MCTP2: variants seen among roughly 807,000 people sequenced by gnomAD.
The protein encoded by MCTP2 is multiple C2 and transmembrane domain-containing protein 2.
MCTP2 carries 132 observed loss-of-function variants against 111.6 expected under a neutral mutation model. The observed-to-expected ratio is 1.18, with a 90% CI of 1.03 to 1.37. MCTP2 has a LOEUF of 1.37. Among genes scored for constraint, MCTP2 ranks in the 40% most tolerant of loss-of-function variants. MCTP2 has a pLI of 0.00. For synonymous variants in MCTP2, 395 were observed against 387.7 expected (o/e 1.02, Z -0.22); for missense variants, 1,183 against 1,067.9 (o/e 1.11, Z -1.50).
intron 4 of MCTP2, among the ~76,000 whole-genome samples, chr15:94,330,803 T>C (rs1456231345): frequency 1.3e-5 from 2 of 152,256 alleles, no homozygotes; most frequent in African/African-American, 4.8e-5. Flanking sequence ...GGTACAATCT[T>C]GGCTCACTGC....
intron 20 of MCTP2, among the ~76,000 whole-genome samples, chr15:94,468,657 G>A (rs1406843272): frequency 1.3e-5 from 2 of 152,194 alleles, no homozygotes; most frequent in East Asian, 3.9e-4. Flanking sequence ...GTTTTTGAGA[G>A]GGAGTCTCAC....
At chr15:94,385,082 T>C (rs2080379802) in intron 13 of MCTP2, among the ~76,000 whole-genome samples, 1 of 152,244 alleles carries the variant, frequency 6.6e-6, no homozygotes, top group African/African-American at 2.4e-5. Flanking sequence ...ATTTGGAAGC[T>C]TTTTAAAAAT....
At chr15:94,361,084 GTTTTTTTTTTTTTTTTTTTT>G (rs67774490) in intron 10 of MCTP2, among the ~76,000 whole-genome samples, 1 of 8,400 alleles carries the variant, frequency 1.2e-4, no homozygotes, top group African/African-American at 3.1e-4. Context: ...AATATTTCAA[GTTTTTTTTTTTTTTTTTTTT>G]TTTTTTTTTT....
chr15:94,423,479 G>T (rs1037762917), intron 17 of MCTP2, among the ~76,000 whole-genome samples: 1 of 152,162 alleles, frequency 6.6e-6, no homozygotes, highest in Admixed American at 6.5e-5. Context: ...CAACAGAACA[G>T]TTAAGAGCAT....
intron 1 of MCTP2, among the ~76,000 whole-genome samples, chr15:94,297,536 G>A (rs955160472): frequency 2.6e-5 from 4 of 152,072 alleles, no homozygotes; most frequent in East Asian, 3.8e-4. Flanking sequence ...AATCCTAGTC[G>A]ATAGGGCCAT....
At chr15:94,474,596 C>G (rs147963012) in intron 21 of MCTP2, among the ~76,000 whole-genome samples, 14 of 152,068 alleles carry the variant, frequency 9.2e-5, no homozygotes, top group Admixed American at 7.9e-4. Flanking sequence ...TGGTGGCTCA[C>G]GCCTGTAATC....
At chr15:94,312,250 G>C (rs1439094380) in intron 2 of MCTP2, among the ~76,000 whole-genome samples, 1 of 152,182 alleles carries the variant, frequency 6.6e-6, no homozygotes, top group Non-Finnish European at 1.5e-5. Context: ...ATAGTGTATG[G>C]TATAAAACAC....
intron 2 of MCTP2, among the ~76,000 whole-genome samples, chr15:94,301,531 A>G (rs1443034815): frequency 6.6e-6 from 1 of 152,174 alleles, no homozygotes; most frequent in Non-Finnish European, 1.5e-5. Flanking sequence ...GGCTGGGGAG[A>G]CACCTTTGTC....
chr15:94,282,823 C>T (rs896837978), intron 1 of MCTP2, among the ~76,000 whole-genome samples: 12 of 152,186 alleles, frequency 7.9e-5, no homozygotes, highest in African/African-American at 2.9e-4. Flanking sequence ...CTCAGTTTAG[C>T]ACTCCTGGCC....
intron 21 of MCTP2, among the ~76,000 whole-genome samples, chr15:94,474,170 A>C (rs2074156842): frequency 6.6e-6 from 1 of 152,192 alleles, no homozygotes; most frequent in Non-Finnish European, 1.5e-5. Flanking sequence ...TAGGTTAAAA[A>C]AATCTAAGGT....
intron 1 of MCTP2, among the ~76,000 whole-genome samples, chr15:94,268,712 T>C (rs1231892222): frequency 6.6e-6 from 1 of 152,106 alleles, no homozygotes; most frequent in Non-Finnish European, 1.5e-5. Context: ...CATAAACTTC[T>C]TATGGACAGG....
chr15:94,361,920 A>T (rs1314251729), intron 10 of MCTP2, among the ~76,000 whole-genome samples: 12 of 152,106 alleles, frequency 7.9e-5, no homozygotes, highest in Admixed American at 7.9e-4. Context: ...TAGCTTGGTG[A>T]TGGTTAAAAC....
chr15:94,452,325 G>T (rs2084514182), intron 19 of MCTP2, among the ~76,000 whole-genome samples: 1 of 152,158 alleles, frequency 6.6e-6, no homozygotes, highest in Non-Finnish European at 1.5e-5. Context: ...TTTGCTATTA[G>T]GATGATTAAA....
In MCTP2 at chr15:94,278,653, G is replaced by C. The variant is rs534400425; in HGVS notation, c.-65-19548G>C. On this transcript the variant is annotated intron_variant, in intron 1 of 22. Transcript: ENST00000357742. ...CCATGAGTAAATTGCATGTCACTGG[G>C]GTTTGATGTACTAATGGTTTCAGGC... Among the ~76,000 whole-genome samples, 52 of 152,092 alleles carry C rather than the reference G, an allele frequency of 3.4e-4. 2 individuals are homozygous for C. Among genetic ancestry groups the C allele is most frequent in the African/African-American group, 1.2e-3 (51 of 41,526 alleles).
chr15:94,264,264 C>A (rs982870524), intron 1 of MCTP2, among the ~76,000 whole-genome samples: 1 of 152,014 alleles, frequency 6.6e-6, no homozygotes, highest in Admixed American at 6.6e-5. Context: ...GTTTTTGTGC[C>A]CTTGGGCAGG....
At chr15:94,257,909 A>G (rs532725678) in intron 1 of MCTP2, among the ~76,000 whole-genome samples, 26 of 148,302 alleles carry the variant, frequency 1.8e-4, no homozygotes, top group Non-Finnish European at 3.4e-4. Context: ...AGATGGAATC[A>G]TGCTCTGCCG....
At chr15:94,437,416 G>A (rs896662004) in intron 17 of MCTP2, among the ~76,000 whole-genome samples, 2 of 151,618 alleles carry the variant, frequency 1.3e-5, no homozygotes, top group Admixed American at 6.6e-5. Flanking sequence ...AAATTGTTCC[G>A]TTGCTATTTA....
chr15:94,357,709 G>A (rs1371921381), intron 9 of MCTP2, among the ~76,000 whole-genome samples: 3 of 152,106 alleles, frequency 2.0e-5, no homozygotes, highest in Non-Finnish European at 4.4e-5. Context: ...TAGTTAGTAC[G>A]GGGATTTAAT....
At chr15:94,362,309 A>G (rs1026275756) in intron 10 of MCTP2, among the ~76,000 whole-genome samples, 1 of 152,238 alleles carries the variant, frequency 6.6e-6, no homozygotes, top group African/African-American at 2.4e-5. Context: ...CAAAGTAATC[A>G]TACCAATTTC....
Sources: gnomAD v4.1 joint callset for allele counts (sites outside exome capture counted in the v4.1 genomes callset) on GRCh38, gnomAD v4.1.1 for gene constraint, MANE v1.5 for transcripts, NCBI Gene and HGNC (gene_info 2026-07-23, HGNC 2026-07-21) for gene names.